The following PELI2 variants were observed in gnomAD, a reference collection of about 807,000 sequenced individuals.
PELI2 encodes E3 ubiquitin-protein ligase pellino homolog 2.
A neutral mutation model predicts 42.3 loss-of-function variants in PELI2; 23 were observed. That is an observed-to-expected ratio of 0.54 (90% confidence interval 0.39 to 0.77). The LOEUF (loss-of-function observed/expected upper bound fraction) is 0.77, where lower values mean the gene tolerates loss of function less well. Among genes scored for constraint, PELI2 ranks in the 30% least tolerant of loss-of-function variants. The pLI is 0.00. For synonymous variants in PELI2, 245 were observed against 212.2 expected (o/e 1.15, Z -1.34); for missense variants, 463 against 553.2 (o/e 0.84, Z 1.64).
At position 56,180,715 on chromosome 14, in the gene PELI2, C is replaced by T. The variant is rs1380404733; in HGVS notation, c.207+2251C>T. ...TGGTTTGCTCTGTTGGCACCTTCTACCTTGGCGCCCCCCATCTACCTCTTC... is the reference window on the plus strand; with the variant it reads ...TGGTTTGCTCTGTTGGCACCTTCTATCTTGGCGCCCCCCATCTACCTCTTC... On this transcript the variant is annotated intron_variant, in intron 2 of 5. Transcript: ENST00000267460. This position sits in a 1 kb window ranked among gnomAD's most constrained non-coding sequence, Gnocchi z 4.4. Among the ~76,000 whole-genome samples the T allele has an allele frequency of 6.7e-6, 1 of 148,710 alleles. No homozygotes were observed. Among genetic ancestry groups the T allele is most frequent in the Non-Finnish European group, 1.5e-5 (1 of 65,982 alleles).
chr14:56,131,056 G>C (rs1236618292), intron 1 of PELI2, among the ~76,000 whole-genome samples: 3 of 152,076 alleles, frequency 2.0e-5, no homozygotes, highest in Non-Finnish European at 4.4e-5. Context: ...TTCCTTTCTT[G>C]TCTTTTAATC....
chr14:56,132,760 A>G (rs1368416688), intron 1 of PELI2, among the ~76,000 whole-genome samples: 1 of 152,116 alleles, frequency 6.6e-6, no homozygotes, highest in African/African-American at 2.4e-5. Flanking sequence ...TTGAACACTC[A>G]CCATGTTGGT....
At chr14:56,227,672 CA>C (rs1887408086) in intron 2 of PELI2, among the ~76,000 whole-genome samples, 1 of 152,168 alleles carries the variant, frequency 6.6e-6, no homozygotes, top group Admixed American at 6.5e-5. Context: ...ACTCCAGTAG[CA>C]GTAAGTACAG....
chr14:56,222,849 A>G (rs1887195168), intron 2 of PELI2, among the ~76,000 whole-genome samples: 1 of 152,200 alleles, frequency 6.6e-6, no homozygotes, highest in Admixed American at 6.5e-5. Flanking sequence ...TGGCCTAACT[A>G]CATGGCAGCT....
intron 2 of PELI2, among the ~76,000 whole-genome samples, chr14:56,230,205 A>G (rs998778863): frequency 7.9e-5 from 12 of 152,332 alleles, no homozygotes; most frequent in African/African-American, 2.6e-4. Context: ...AACTTCCCCA[A>G]CCTAGCAAGG....
chr14:56,215,023 C>T (rs1886851643), intron 2 of PELI2, among the ~76,000 whole-genome samples: 1 of 124,026 alleles, frequency 8.1e-6, no homozygotes, highest in African/African-American at 2.6e-5. Context: ...TTAATAGTCA[C>T]ACATGTTGGT....
intron 1 of PELI2, among the ~76,000 whole-genome samples, chr14:56,123,717 T>C (rs952162363): frequency 5.3e-5 from 8 of 152,218 alleles, no homozygotes; most frequent in African/African-American, 1.9e-4. Flanking sequence ...ATGCTGTGTA[T>C]AAATGAAAGT....
intron 1 of PELI2, among the ~76,000 whole-genome samples, chr14:56,134,947 T>A (rs1306991857): frequency 6.6e-6 from 1 of 152,216 alleles, no homozygotes; most frequent in Admixed American, 6.5e-5. Flanking sequence ...TAATCTAGTT[T>A]TTATAGGGAC....
intron 2 of PELI2, among the ~76,000 whole-genome samples, chr14:56,231,552 G>C (rs1887572486): frequency 1.3e-5 from 2 of 152,204 alleles, no homozygotes; most frequent in South Asian, 4.1e-4. Context: ...GATGTTCTTT[G>C]AAACCAATGA....
At chr14:56,243,703 A>T (rs1888057254) in intron 2 of PELI2, among the ~76,000 whole-genome samples, 1 of 152,194 alleles carries the variant, frequency 6.6e-6, no homozygotes, top group South Asian at 2.1e-4. Flanking sequence ...TCAGTACCTC[A>T]GAAGTGGTTC....
rs1228639167 is a variant in PELI2 at position 56,180,348 on chromosome 14, G to GTAA, written c.207+1885_207+1887dup. On this transcript the variant is annotated intron_variant, in intron 2 of 5. Coordinates refer to ENST00000267460, the MANE Select transcript of PELI2 (RefSeq NM_021255.3). The surrounding 1 kb of genome is among the most constrained non-coding windows in gnomAD (Gnocchi z 4.4). ...TCTGGCTAAGATAAAACAGACAAAA[G>GTAA]TAAGATAAATTATTATAGGCTAGCC... Among the ~76,000 whole-genome samples the GTAA allele has an allele frequency of 6.6e-6, 1 of 152,158 alleles. No individual in the cohort carries two copies. The highest frequency in any genetic ancestry group is 6.5e-5 in the Admixed American group (1 of 15,268).
chr14:56,288,398 A>G lies in PELI2; in HGVS notation c.310-39A>G, dbSNP rs565947175. 14 of 1,523,800 alleles carry G rather than the reference A, an allele frequency of 9.2e-6. No individual in the cohort carries two copies. The highest frequency in any genetic ancestry group is 9.0e-5 in the East Asian group (4 of 44,232). The allele number at this position is 1,523,800 out of a possible 1,614,324, so 94.4% of individuals were successfully genotyped here. ...TGTGAATAAAATACGGCACCCTGCT[A>G]TTTTCCAAGTGAATCACGAGTACAT... On this transcript the variant is annotated intron_variant, in intron 3 of 5. Coordinates refer to ENST00000267460, the MANE Select transcript of PELI2 (RefSeq NM_021255.3). This position sits in a 1 kb window ranked among gnomAD's most constrained non-coding sequence, Gnocchi z 4.6.
At chr14:56,160,421 G>A (rs548816267) in intron 1 of PELI2, among the ~76,000 whole-genome samples, 1 of 152,258 alleles carries the variant, frequency 6.6e-6, no homozygotes, top group South Asian at 2.1e-4. Flanking sequence ...TTCGGGTGAG[G>A]GTAGGGGGCT....
chr14:56,216,687 A>G (rs889207048), intron 2 of PELI2, among the ~76,000 whole-genome samples: 1 of 152,260 alleles, frequency 6.6e-6, no homozygotes, highest in Non-Finnish European at 1.5e-5. Context: ...TTCAGAGACA[A>G]GAAAAGAGCA....
chr14:56,203,424 T>C (rs1490065055), intron 2 of PELI2, among the ~76,000 whole-genome samples: 1 of 152,138 alleles, frequency 6.6e-6, no homozygotes, highest in Non-Finnish European at 1.5e-5. Context: ...CAAATATACA[T>C]ATCTTTTTCT....
At chr14:56,124,670 C>T (rs1031978220) in intron 1 of PELI2, among the ~76,000 whole-genome samples, 4 of 152,220 alleles carry the variant, frequency 2.6e-5, no homozygotes, top group African/African-American at 9.7e-5. Context: ...TGCTGCAGCA[C>T]TGACAGCCTA....
intron 1 of PELI2, among the ~76,000 whole-genome samples, chr14:56,155,576 T>C (rs906467203): frequency 3.5e-5 from 5 of 141,554 alleles, no homozygotes; most frequent in Non-Finnish European, 6.0e-5. Flanking sequence ...TGTTCTCAAG[T>C]AATACATTTT....
At chr14:56,199,845 T>G (rs564869317) in intron 2 of PELI2, among the ~76,000 whole-genome samples, 1 of 152,358 alleles carries the variant, frequency 6.6e-6, no homozygotes, top group South Asian at 2.1e-4. Flanking sequence ...CAAGTTCTGT[T>G]TATGGTTGTG....
At chr14:56,218,887 G>C (rs759468992) in intron 2 of PELI2, among the ~76,000 whole-genome samples, 1 of 152,212 alleles carries the variant, frequency 6.6e-6, no homozygotes, top group Non-Finnish European at 1.5e-5. Context: ...CATTAAATGC[G>C]ATGGGAGTTG....
Sources: allele counts gnomAD v4.1 joint callset (sites outside exome capture counted in the v4.1 genomes callset), GRCh38; gene constraint gnomAD v4.1.1; non-coding constraint Gnocchi (gnomAD v3.1); transcripts MANE v1.5; gene names NCBI Gene and HGNC (gene_info 2026-07-23, HGNC 2026-07-21).